The following SLC9C2 variants were observed in gnomAD, a reference collection of about 807,000 sequenced individuals.
The protein encoded by SLC9C2 is solute carrier family 9 member C2 (putative).
SLC9C2 carries 75 observed loss-of-function variants against 140.2 expected under a neutral mutation model. The ratio of observed to expected loss-of-function variants is 0.53; its 90% CI spans 0.44 to 0.65. The LOEUF is 0.65. Ranked by LOEUF, SLC9C2 falls within the 30% of genes least tolerant of loss-of-function variation. The pLI is 0.00. For missense variants in SLC9C2, 1,074 were observed against 1,331.8 expected, an observed-to-expected ratio of 0.81 and a Z score of 3.01; for synonymous variants, 375 against 420.9, an observed-to-expected ratio of 0.89 and a Z score of 1.34.
intron 7 of SLC9C2, among the ~76,000 whole-genome samples, chr1:173,577,558 A>G (rs1665254040): frequency 6.6e-6 from 1 of 152,156 alleles, no homozygotes. Flanking sequence ...AAAGAACATG[A>G]AAGATAGGAT....
At chr1:173,519,282 C>G (rs1318997645) in intron 22 of SLC9C2, among the ~76,000 whole-genome samples, 1 of 152,068 alleles carries the variant, frequency 6.6e-6, no homozygotes, top group South Asian at 2.1e-4. Context: ...CAGCTGACAG[C>G]CTTGAAGAAG....
chr1:173,506,064 T>G lies in SLC9C2; in HGVS notation c.3226-733A>C, dbSNP rs1659618193. On this transcript the variant is annotated intron_variant, in intron 25 of 27. Transcript: ENST00000367714. Reference sequence around the variant, plus strand: ...AGATTTTAATTTTCTATTAAAAACATGTAAATTACCTTCATCATCTGAATT... The same window carrying G: ...AGATTTTAATTTTCTATTAAAAACAGGTAAATTACCTTCATCATCTGAATT... Among the ~76,000 whole-genome samples the G allele has an allele frequency of 2.0e-5, 3 of 152,248 alleles. No individual in the cohort carries two copies. In the South Asian group the frequency reaches 6.2e-4, roughly 31 times the overall value.
chr1:173,559,371 A>G (rs1663944345), intron 9 of SLC9C2, among the ~76,000 whole-genome samples: 1 of 152,218 alleles, frequency 6.6e-6, no homozygotes, highest in Non-Finnish European at 1.5e-5. Context: ...GAGAACATCT[A>G]TTGATTTAGG....
intron 13 of SLC9C2, among the ~76,000 whole-genome samples, chr1:173,544,435 T>C (rs765518617): frequency 6.6e-6 from 1 of 152,224 alleles, no homozygotes; most frequent in Non-Finnish European, 1.5e-5. Context: ...TCAACCATTG[T>C]GGAAGACAGT....
chr1:173,572,656 A>C (rs936293356), intron 9 of SLC9C2, among the ~76,000 whole-genome samples: 5 of 152,228 alleles, frequency 3.3e-5, no homozygotes, highest in Non-Finnish European at 7.3e-5. Context: ...TCGTCTGTGA[A>C]GTGATGCAAT....
At chr1:173,548,575 G>A (rs1389659376) in intron 11 of SLC9C2, 23 bp from the exon 12 acceptor site, 2 of 1,612,730 alleles carry the variant, frequency 1.2e-6, no homozygotes, top group East Asian at 4.5e-5. Context: ...CAAAAGCAAA[G>A]GCCTTAATAG....
In SLC9C2 at chr1:173,534,658, T is replaced by C. The variant is rs778724716; in HGVS notation, c.1800A>G (p.Ile600Met). 1 of 1,532,438 alleles carries C rather than the reference T, an allele frequency of 6.5e-7. No individual in the cohort carries two copies. The highest frequency in any genetic ancestry group is 1.3e-5 in the South Asian group (1 of 79,492). 94.9% of individuals were successfully genotyped at this position (1,532,438 alleles called of 1,614,324 possible). Residue 600 changes from isoleucine to methionine, a missense_variant, in exon 16 of 28, where the codon ATA becomes ATG. Transcript: ENST00000367714. ...PPESNTFLTF[I>M]FHIVFSEEFE... ...ATTCTTCAGAAAATACTATGTGAAA[T>C]ATAAAAGTCAGAAATGTATTACTCC...
intron 4 of SLC9C2, among the ~76,000 whole-genome samples, chr1:173,593,224 T>C (rs1666266539): frequency 6.6e-6 from 1 of 152,068 alleles, no homozygotes; most frequent in Non-Finnish European, 1.5e-5. Flanking sequence ...AATCCACACA[T>C]ATCAATAATA....
At chr1:173,600,318 G>A (rs1329619125) in intron 2 of SLC9C2, 101 bp from the exon 3 acceptor site, 4 of 540,520 alleles carry the variant, frequency 7.4e-6, no homozygotes, top group Non-Finnish European at 9.1e-6. Context: ...AAGACCTTCT[G>A]TATTCAATTA....
At position 173,535,176 on chromosome 1, in the gene SLC9C2, G is replaced by C. The variant is rs557584319; in HGVS notation, c.1776-494C>G. 1.3e-4 allele frequency among the ~76,000 whole-genome samples: 19 copies of C among 151,980 alleles called. No individual in the cohort carries two copies. In the South Asian group the frequency reaches 2.5e-3, roughly 20 times the overall value. ...TATATCTCTTTAAACTTATTAAATG[G>C]AAAAAAGTAAAAAATATTACTAGAA... On this transcript the variant is annotated intron_variant, in intron 15 of 27. Transcript: ENST00000367714.
chr1:173,602,942 A>T lies in SLC9C2; in HGVS notation c.-271T>A, dbSNP rs903816552. On this transcript the variant is annotated 5_prime_UTR_variant, in exon 1 of 28. Coordinates refer to ENST00000367714, the MANE Select transcript of SLC9C2 (RefSeq NM_178527.4). ...ATGACCCTCAAATTAAGTTCTACAA[A>T]TTACCCAGATCAGAGATATGTTCCT... 5.3e-5 allele frequency: 8 copies of T among 152,190 alleles called. No homozygotes were observed. Among genetic ancestry groups the T allele is most frequent in the African/African-American group, 1.9e-4 (8 of 41,440 alleles). 9.4% of individuals were successfully genotyped at this position (152,190 alleles called of 1,614,324 possible). A position where few individuals can be genotyped will look rare whatever the true frequency, so the allele number is the denominator to read the frequency against.
At chr1:173,564,637 C>CTTTTT (rs200972272) in intron 9 of SLC9C2, among the ~76,000 whole-genome samples, 6 of 119,726 alleles carry the variant, frequency 5.0e-5, no homozygotes, top group Admixed American at 8.7e-5. Context: ...TTTTCCTTTT[C>CTTTTT]TTTTTTTTTT....
intron 9 of SLC9C2, among the ~76,000 whole-genome samples, chr1:173,571,038 C>G (rs948572289): frequency 2.0e-5 from 3 of 152,070 alleles, no homozygotes; most frequent in Non-Finnish European, 2.9e-5. Context: ...TATGAAGGTG[C>G]TTTTTTGTGT....
chr1:173,514,043 T>G lies in SLC9C2; in HGVS notation c.2907+3494A>C, dbSNP rs1476248598. On this transcript the variant is annotated intron_variant, in intron 23 of 27. Transcript: ENST00000367714. ...GAGAGACAGTTTGTTATGATTTCAGTTCTTTTGCATTTGCCAAGGAGTGTT... is the reference window on the plus strand; with the variant it reads ...GAGAGACAGTTTGTTATGATTTCAGGTCTTTTGCATTTGCCAAGGAGTGTT... Among the ~76,000 whole-genome samples, 6 of 152,364 alleles carry G rather than the reference T, an allele frequency of 3.9e-5. No individual in the cohort carries two copies. The South Asian group carries it at 6.2e-4, about 16-fold the overall frequency.
chr1:173,548,605 G>A, intron 11 of SLC9C2, 53 bp from the exon 12 acceptor site: 13 of 1,592,774 alleles, frequency 8.2e-6, no homozygotes, highest in Admixed American at 5.2e-5. Flanking sequence ...AGGACTGCAA[G>A]GGAAAGCAAA....
Position 173,502,272 on chromosome 1 carries a change from CAA to C in SLC9C2, c.3371+992_3371+993del, listed in dbSNP as rs34183286. Reference sequence around the variant, plus strand: ...CATGTGACAGAGTGAGATTCCATCTCAAAAAAAAAAAAAAAAAAAAAAAAAGC... The same window carrying C: ...CATGTGACAGAGTGAGATTCCATCTCAAAAAAAAAAAAAAAAAAAAAAAGC... On this transcript the variant is annotated intron_variant, in intron 27 of 27. Transcript: ENST00000367714. Among the ~76,000 whole-genome samples the C allele has an allele frequency of 6.0e-3, 243 of 40,748 alleles. 1 individual carries two copies. Among genetic ancestry groups the C allele is most frequent in the African/African-American group, 0.015 (199 of 13,438 alleles). 26.7% of individuals were successfully genotyped at this position (40,748 alleles called of 152,430 possible). A position where few individuals can be genotyped will look rare whatever the true frequency, so the allele number is the denominator to read the frequency against.
chr1:173,547,373 A>C (rs565406496), intron 13 of SLC9C2, among the ~76,000 whole-genome samples: 1 of 151,246 alleles, frequency 6.6e-6, no homozygotes, highest in South Asian at 2.1e-4. Context: ...TAAATTTATA[A>C]AAGCAATTTT....
chr1:173,535,770 G>T, intron 15 of SLC9C2, 60 bp downstream of exon 15: 2 of 1,430,026 alleles, frequency 1.4e-6, no homozygotes, highest in South Asian at 2.6e-5. Flanking sequence ...AAGCTATTAT[G>T]ACAATGTAGA....
At chr1:173,555,772 A>G (rs1663643037) in intron 10 of SLC9C2, among the ~76,000 whole-genome samples, 1 of 152,142 alleles carries the variant, frequency 6.6e-6, no homozygotes, top group African/African-American at 2.4e-5. Context: ...ACAGATATAA[A>G]TCCTCAGAAA....
Sources: allele counts gnomAD v4.1 joint callset (sites outside exome capture counted in the v4.1 genomes callset), GRCh38; gene constraint gnomAD v4.1.1; transcripts MANE v1.5; gene names NCBI Gene and HGNC (gene_info 2026-07-23, HGNC 2026-07-21).